Variants in ANKRD31 observed in about 807,000 individuals in gnomAD.
The protein encoded by ANKRD31 is ankyrin repeat domain 31, also known as ankyrin repeat domain-containing protein 31.
Under a neutral mutation model 186.0 loss-of-function variants are expected in ANKRD31, and 147 were observed. That is an observed-to-expected ratio of 0.79 (90% CI 0.69 to 0.91). ANKRD31 has a LOEUF of 0.91. ANKRD31 is among the 40% of genes least tolerant of loss of function. The probability of loss-of-function intolerance (pLI) is 0.00; values close to 1 mark genes in which losing one functional copy is unlikely to be tolerated. For missense variants in ANKRD31, 1,986 were observed against 2,148.8 expected, an observed-to-expected ratio of 0.92 and a Z score of 1.50; for synonymous variants, 673 against 736.4, an observed-to-expected ratio of 0.91 and a Z score of 1.39.
Position 75,155,913 on chromosome 5 carries a change from C to CT in ANKRD31, c.1708-1569dup, listed in dbSNP as rs10706178. 6.1e-4 allele frequency among the ~76,000 whole-genome samples: 89 copies of CT among 146,184 alleles called. No homozygotes were observed. The East Asian group carries it at 9.6e-3, about 16-fold the overall frequency. On this transcript the variant is annotated intron_variant, in intron 11 of 25. Transcript: ENST00000506364. The stretch of plus-strand genomic sequence containing the variant: ...TATCACAAATTTACATTATGTCAGC[C>CT]TTTTTTTTTTTTGAGACAGAGTCTT...
chr5:75,224,920 G>C (rs1757545828), intron 2 of ANKRD31, among the ~76,000 whole-genome samples: 1 of 152,090 alleles, frequency 6.6e-6, no homozygotes, highest in African/African-American at 2.4e-5. Flanking sequence ...TATAGAAAAT[G>C]CTCTTACAAA....
At chr5:75,179,288 T>C (rs1429055178) in intron 10 of ANKRD31, among the ~76,000 whole-genome samples, 4 of 151,990 alleles carry the variant, frequency 2.6e-5, no homozygotes, top group African/African-American at 7.3e-5. Context: ...GATTCACAGC[T>C]GAATTCTACC....
intron 24 of ANKRD31, among the ~76,000 whole-genome samples, chr5:75,081,718 C>CAG (rs893724861): frequency 1.5e-3 from 200 of 136,414 alleles, no homozygotes; most frequent in African/African-American, 4.2e-3. Flanking sequence ...GAGAGAGAGA[C>CAG]AGAGAGAGAG....
At chr5:75,139,824 C>T (rs1419817561) in intron 15 of ANKRD31, among the ~76,000 whole-genome samples, 5 of 152,024 alleles carry the variant, frequency 3.3e-5, no homozygotes, top group Non-Finnish European at 7.4e-5. Flanking sequence ...GAACAGTGGG[C>T]GTGGGCGCTG....
At chr5:75,233,251 C>T (rs1758063272) in intron 1 of ANKRD31, among the ~76,000 whole-genome samples, 1 of 151,796 alleles carries the variant, frequency 6.6e-6, no homozygotes, top group South Asian at 2.1e-4. Context: ...TTAATAGAGA[C>T]AGGATTTCAC....
At chr5:75,132,794 C>A (rs974837784) in intron 17 of ANKRD31, among the ~76,000 whole-genome samples, 7 of 152,160 alleles carry the variant, frequency 4.6e-5, no homozygotes, top group African/African-American at 1.2e-4. Context: ...CAAAGGGAAG[C>A]CCATCAGACT....
chr5:75,225,067 T>A (rs900272704), intron 2 of ANKRD31, among the ~76,000 whole-genome samples: 9 of 152,188 alleles, frequency 5.9e-5, no homozygotes, highest in African/African-American at 2.2e-4. Flanking sequence ...TACTTTTTAT[T>A]TGACACAGAC....
At chr5:75,229,016 A>AT (rs1029437433) in intron 2 of ANKRD31, among the ~76,000 whole-genome samples, 1 of 146,226 alleles carries the variant, frequency 6.8e-6, no homozygotes, top group South Asian at 2.4e-4. Flanking sequence ...GTGTTTAGGA[A>AT]TTTTTTTTTC....
At chr5:75,204,796 A>T (rs957988545) in intron 5 of ANKRD31, among the ~76,000 whole-genome samples, 1 of 152,246 alleles carries the variant, frequency 6.6e-6, no homozygotes, top group African/African-American at 2.4e-5. Flanking sequence ...CTACTTAAAC[A>T]GTGATAAACA....
At chr5:75,181,466 C>T (rs190336856) in intron 10 of ANKRD31, among the ~76,000 whole-genome samples, 12 of 152,134 alleles carry the variant, frequency 7.9e-5, no homozygotes, top group African/African-American at 2.4e-4. Context: ...TTCACAATAG[C>T]AAAGACTTGG....
chr5:75,220,232 A>G (rs1022263102), intron 3 of ANKRD31, among the ~76,000 whole-genome samples: 1 of 152,250 alleles, frequency 6.6e-6, no homozygotes, highest in Non-Finnish European at 1.5e-5. Context: ...AACATTTAAC[A>G]GGCAACCTAT....
At chr5:75,187,022 A>T (rs1250632512) in intron 10 of ANKRD31, among the ~76,000 whole-genome samples, 2 of 142,612 alleles carry the variant, frequency 1.4e-5, no homozygotes, top group Non-Finnish European at 3.1e-5. Flanking sequence ...TGAGACACAG[A>T]GTGTGTGTGT....
chr5:75,190,358 T>C (rs538059755), intron 9 of ANKRD31, among the ~76,000 whole-genome samples: 86 of 152,332 alleles, frequency 5.6e-4, no homozygotes, highest in South Asian at 4.1e-3. Flanking sequence ...TGAAGGATAC[T>C]TAGTCTAATT....
At chr5:75,086,661 C>T (rs1745505057) in intron 23 of ANKRD31, among the ~76,000 whole-genome samples, 1 of 152,150 alleles carries the variant, frequency 6.6e-6, no homozygotes, top group South Asian at 2.1e-4. Flanking sequence ...AGAGATGGAG[C>T]TTAGTGTAAG....
chr5:75,214,555 T>C (rs1756850066), intron 3 of ANKRD31, among the ~76,000 whole-genome samples: 1 of 152,212 alleles, frequency 6.6e-6, no homozygotes, highest in Non-Finnish European at 1.5e-5. Context: ...ATGCAGTGCA[T>C]AATCTCTCCA....
At position 75,145,177 on chromosome 5, in the gene ANKRD31, C is replaced by T. The variant is rs189933321; in HGVS notation, c.3424+810G>A. Among the ~76,000 whole-genome samples, 116 of 152,152 alleles carry T rather than the reference C, an allele frequency of 7.6e-4. 1 individual carries two copies. The highest frequency in any genetic ancestry group is 2.6e-3 in the African/African-American group (110 of 41,522). ...AGTTCAACCATTATGGAAGACAGTACAGTGATTCCTCAAGGATCTAGAACC... is the reference window on the plus strand; with the variant it reads ...AGTTCAACCATTATGGAAGACAGTATAGTGATTCCTCAAGGATCTAGAACC... On this transcript the variant is annotated intron_variant, in intron 14 of 25. Coordinates refer to ENST00000506364, the MANE Select transcript of ANKRD31 (RefSeq NM_001372053.1).
chr5:75,192,488 G>A (rs1407704722), intron 9 of ANKRD31, among the ~76,000 whole-genome samples, 179 bp downstream of exon 9: 1 of 152,106 alleles, frequency 6.6e-6, no homozygotes, highest in Non-Finnish European at 1.5e-5. Flanking sequence ...CAGAAGTTCA[G>A]GATCAATTCT....
At chr5:75,228,240 T>C (rs1757747776) in intron 2 of ANKRD31, among the ~76,000 whole-genome samples, 1 of 152,234 alleles carries the variant, frequency 6.6e-6, no homozygotes, top group Non-Finnish European at 1.5e-5. Context: ...CTCTTACCTT[T>C]ATAATTCAGT....
Position 75,068,429 on chromosome 5 carries a change from A to C in ANKRD31, c.*90T>G. The stretch of plus-strand genomic sequence containing the variant: ...ATAGCAACTCATAAAGTGTATGTTA[A>C]AATAGGCCCACCAGATTATACAAGA... On this transcript the variant is annotated 3_prime_UTR_variant, in exon 26 of 26. Transcript: ENST00000506364. The C allele has an allele frequency of 7.8e-7, 1 of 1,286,088 alleles. No homozygotes were observed. The allele number at this position is 1,286,088 out of a possible 1,614,324, so 79.7% of individuals were successfully genotyped here.
Sources: allele counts gnomAD v4.1 joint callset (sites outside exome capture counted in the v4.1 genomes callset), GRCh38; gene constraint gnomAD v4.1.1; transcripts MANE v1.5; gene names NCBI Gene and HGNC (gene_info 2026-07-23, HGNC 2026-07-21).